The following ADAMTS19 variants were observed in gnomAD, a reference collection of about 807,000 sequenced individuals.
The protein encoded by ADAMTS19 is A disintegrin and metalloproteinase with thrombospondin motifs 19.
Under a neutral mutation model 153.3 loss-of-function variants are expected in ADAMTS19, and 93 were observed. The observed-to-expected ratio is 0.61, with a 90% CI of 0.51 to 0.72. The LOEUF is 0.72. Among genes scored for constraint, ADAMTS19 ranks in the 30% least tolerant of loss-of-function variants. The pLI, the probability that ADAMTS19 is intolerant of heterozygous loss-of-function variation, is 0.00. For synonymous variants in ADAMTS19, 600 were observed against 556.6 expected (o/e 1.08, Z -1.10); for missense variants, 1,482 against 1,552.1 (o/e 0.95, Z 0.76).
chr5:129,535,447 G>A (rs1464046265), intron 6 of ADAMTS19, among the ~76,000 whole-genome samples: 1 of 152,148 alleles, frequency 6.6e-6, no homozygotes, highest in Non-Finnish European at 1.5e-5. Context: ...CCATGCTTAT[G>A]GGTAGGAAGA....
At chr5:129,651,052 C>T (rs1753296117) in intron 13 of ADAMTS19, among the ~76,000 whole-genome samples, 1 of 152,194 alleles carries the variant, frequency 6.6e-6, no homozygotes, top group Non-Finnish European at 1.5e-5. Context: ...TGCTTGGTTG[C>T]TGTGTTGTTA....
At chr5:129,515,408 G>T (rs1445466934) in intron 3 of ADAMTS19, among the ~76,000 whole-genome samples, 1 of 151,682 alleles carries the variant, frequency 6.6e-6, no homozygotes, top group African/African-American at 2.4e-5. Context: ...TAGCAATATT[G>T]ATTCTTCCAA....
intron 8 of ADAMTS19, among the ~76,000 whole-genome samples, chr5:129,611,814 A>C (rs937868430): frequency 3.3e-5 from 5 of 152,072 alleles, no homozygotes; most frequent in Non-Finnish European, 7.4e-5. Context: ...AGTTGAAATG[A>C]AGGAAAAAAT....
In ADAMTS19 at chr5:129,488,958, T is replaced by G. The variant is rs1179724072; in HGVS notation, c.748-20119T>G. Among the ~76,000 whole-genome samples the G allele has an allele frequency of 3.4e-4, 51 of 152,098 alleles. 1 individual carries two copies. Among genetic ancestry groups the G allele is most frequent in the Admixed American group, 3.3e-3 (51 of 15,254 alleles). ...TATATTGGCCCAATTGGCTTCAGTTTTCAAACAGAACTGCAGACACTTAAC... is the reference window on the plus strand; with the variant it reads ...TATATTGGCCCAATTGGCTTCAGTTGTCAAACAGAACTGCAGACACTTAAC... On this transcript the variant is annotated intron_variant, in intron 2 of 22. Transcript: ENST00000274487.
chr5:129,555,584 T>C (rs897213099), intron 7 of ADAMTS19, among the ~76,000 whole-genome samples: 2 of 152,174 alleles, frequency 1.3e-5, no homozygotes, highest in Non-Finnish European at 2.9e-5. Flanking sequence ...AAATAGAGGC[T>C]ACATCTTCTA....
chr5:129,550,026 A>C (rs111217471), intron 6 of ADAMTS19, among the ~76,000 whole-genome samples: 3,012 of 118,468 alleles, frequency 0.025, 10 homozygotes, highest in Non-Finnish European at 0.04. Context: ...GTATATGTAT[A>C]TCTAGATATA....
intron 3 of ADAMTS19, among the ~76,000 whole-genome samples, chr5:129,511,023 ATTTAAAAAT>A (rs1751425195): frequency 6.6e-6 from 1 of 151,816 alleles, no homozygotes. Flanking sequence ...TTTAAAAATC[ATTTAAAAAT>A]TAGGAATCTG....
At chr5:129,466,558 G>A (rs1749869664) in intron 2 of ADAMTS19, among the ~76,000 whole-genome samples, 1 of 151,994 alleles carries the variant, frequency 6.6e-6, no homozygotes, top group Admixed American at 6.6e-5. Flanking sequence ...TGAGTTGATA[G>A]GTAAATTTGT....
chr5:129,530,314 G>A, intron 6 of ADAMTS19, among the ~76,000 whole-genome samples: 1 of 152,124 alleles, frequency 6.6e-6, no homozygotes, highest in Admixed American at 6.5e-5. Flanking sequence ...GAAGGAGAGA[G>A]TAAGAATGGG....
At chr5:129,706,724 T>G (rs1179205458) in intron 21 of ADAMTS19, among the ~76,000 whole-genome samples, 1 of 152,158 alleles carries the variant, frequency 6.6e-6, no homozygotes, top group Non-Finnish European at 1.5e-5. Context: ...CATGTGGAAA[T>G]ACGGCTAGCA....
At chr5:129,654,238 T>C (rs2127055381) in intron 13 of ADAMTS19, 68 bp from the exon 14 acceptor site, 1 of 1,438,278 alleles carries the variant, frequency 7.0e-7, no homozygotes, top group East Asian at 2.3e-5. Flanking sequence ...TTCTTAAAAA[T>C]GAAGCTTAAG....
chr5:129,655,475 T>C (rs1293151256), intron 14 of ADAMTS19, among the ~76,000 whole-genome samples: 3 of 152,196 alleles, frequency 2.0e-5, no homozygotes, highest in Admixed American at 2.0e-4. Flanking sequence ...TGACAGCCTT[T>C]AGGAAACTGT....
At chr5:129,658,438 T>A (rs1238590029) in intron 14 of ADAMTS19, among the ~76,000 whole-genome samples, 179 bp from the exon 15 acceptor site, 1 of 152,204 alleles carries the variant, frequency 6.6e-6, no homozygotes, top group African/African-American at 2.4e-5. Context: ...ACAGATTATG[T>A]TATTTGACAT....
intron 21 of ADAMTS19, among the ~76,000 whole-genome samples, chr5:129,708,624 T>TTTA (rs1461377201): frequency 3.3e-5 from 5 of 150,720 alleles, no homozygotes; most frequent in Middle Eastern, 3.2e-3. Flanking sequence ...AGAGTACTAT[T>TTTA]TTATCTACCT....
chr5:129,463,243 CTG>C (rs1253950178), intron 2 of ADAMTS19, among the ~76,000 whole-genome samples: 2 of 152,138 alleles, frequency 1.3e-5, no homozygotes, highest in African/African-American at 4.8e-5. Flanking sequence ...AAGAATTTCA[CTG>C]TGTTGAAATG....
chr5:129,734,413 A>G (rs1013727562), intron 21 of ADAMTS19, among the ~76,000 whole-genome samples: 1 of 152,032 alleles, frequency 6.6e-6, no homozygotes, highest in Admixed American at 6.6e-5. Flanking sequence ...TTACTTTAAT[A>G]ACATATCTGG....
At chr5:129,555,207 A>T (rs1753273157) in intron 7 of ADAMTS19, among the ~76,000 whole-genome samples, 1 of 152,088 alleles carries the variant, frequency 6.6e-6, no homozygotes, top group Admixed American at 6.6e-5. Context: ...TAACTTTAAG[A>T]TGCTTCTCCC....
At position 129,521,786 on chromosome 5, in the gene ADAMTS19, G is replaced by A. The variant is rs540893788; in HGVS notation, c.914-4498G>A. ...TCACATAATTACACTCAGTTGAACA[G>A]TAGACTGAGAAATGTTTCTGGGTGC... On this transcript the variant is annotated intron_variant, in intron 3 of 22. Transcript: ENST00000274487. Among the ~76,000 whole-genome samples, 6 of 152,258 alleles carry A rather than the reference G, an allele frequency of 3.9e-5. No homozygotes were observed. In the South Asian group the frequency reaches 1.2e-3, roughly 32 times the overall value.
intron 16 of ADAMTS19, among the ~76,000 whole-genome samples, chr5:129,671,289 G>A (rs1427440206): frequency 6.6e-6 from 1 of 152,128 alleles, no homozygotes; most frequent in African/African-American, 2.4e-5. Flanking sequence ...ATAGATGTGA[G>A]TGTTGATAGA....
Sources: gnomAD v4.1 joint callset for allele counts (sites outside exome capture counted in the v4.1 genomes callset) on GRCh38, gnomAD v4.1.1 for gene constraint, MANE v1.5 for transcripts, NCBI Gene and HGNC (gene_info 2026-07-23, HGNC 2026-07-21) for gene names.